Variants in SGCZ observed in about 807,000 individuals in gnomAD.
The protein encoded by SGCZ is zeta-sarcoglycan.
A neutral mutation model predicts 41.3 loss-of-function variants in SGCZ; 40 were observed. The observed-to-expected ratio is 0.97, with a 90% CI of 0.75 to 1.26. The LOEUF is 1.26. SGCZ is among the 50% of genes most tolerant of loss of function. SGCZ has a pLI of 0.00. For synonymous variants in SGCZ, 206 were observed against 137.5 expected (o/e 1.50, Z -3.49); for missense variants, 552 against 369.8 (o/e 1.49, Z -4.04).
intron 5 of SGCZ, among the ~76,000 whole-genome samples, chr8:14,156,215 A>G (rs1430666168): frequency 2.0e-5 from 3 of 152,142 alleles, no homozygotes; most frequent in South Asian, 2.1e-4. Context: ...GATGCCTGTA[A>G]TCCTGGCACT....
At chr8:14,251,737 A>G (rs1000804349) in intron 3 of SGCZ, among the ~76,000 whole-genome samples, 1 of 152,200 alleles carries the variant, frequency 6.6e-6, no homozygotes, top group African/African-American at 2.4e-5. Context: ...TAAAAAGGAA[A>G]AAAATTCCAT....
chr8:14,138,770 TAGAC>T (rs1232342635), intron 5 of SGCZ, among the ~76,000 whole-genome samples: 4 of 152,126 alleles, frequency 2.6e-5, no homozygotes, highest in African/African-American at 9.7e-5. Context: ...CTGTAAACAT[TAGAC>T]AGATCAATGA....
intron 1 of SGCZ, among the ~76,000 whole-genome samples, chr8:14,955,872 C>T (rs1020879377): frequency 6.6e-6 from 1 of 151,988 alleles, no homozygotes; most frequent in Non-Finnish European, 1.5e-5. Context: ...CTTATGGTGT[C>T]TTTTGAATAA....
intron 5 of SGCZ, among the ~76,000 whole-genome samples, chr8:14,149,135 A>T (rs1376006753): frequency 6.6e-6 from 1 of 152,106 alleles, no homozygotes; most frequent in East Asian, 1.9e-4. Flanking sequence ...CACAACAATG[A>T]TGCCAATTTT....
chr8:14,288,352 C>T (rs1290524745), intron 3 of SGCZ, among the ~76,000 whole-genome samples: 1 of 152,002 alleles, frequency 6.6e-6, no homozygotes, highest in Non-Finnish European at 1.5e-5. Flanking sequence ...CAACGATGTT[C>T]TGCAACCATT....
intron 1 of SGCZ, among the ~76,000 whole-genome samples, chr8:14,843,940 T>A (rs576627729): frequency 6.6e-6 from 1 of 151,738 alleles, no homozygotes; most frequent in African/African-American, 2.4e-5. Flanking sequence ...AAGAAAAAAA[T>A]TTAGGAAGGA....
intron 1 of SGCZ, among the ~76,000 whole-genome samples, chr8:15,078,941 T>C (rs912041942): frequency 6.6e-6 from 1 of 152,134 alleles, no homozygotes; most frequent in Non-Finnish European, 1.5e-5. Context: ...TTATGGATTA[T>C]ACCATTTTCT....
intron 4 of SGCZ, among the ~76,000 whole-genome samples, chr8:14,209,811 C>T (rs1021920374): frequency 6.6e-6 from 1 of 151,442 alleles, no homozygotes; most frequent in South Asian, 2.1e-4. Context: ...TTTCTGAATT[C>T]CATATTTTCA....
intron 1 of SGCZ, among the ~76,000 whole-genome samples, chr8:15,097,120 G>T (rs978375309): frequency 1.3e-5 from 2 of 152,088 alleles, no homozygotes; most frequent in Admixed American, 6.6e-5. Flanking sequence ...TCCATAAACT[G>T]TAAACATCTT....
chr8:14,502,792 A>G (rs1422638518), intron 2 of SGCZ, among the ~76,000 whole-genome samples: 1 of 152,224 alleles, frequency 6.6e-6, no homozygotes, highest in African/African-American at 2.4e-5. Context: ...TTAAAAAGTC[A>G]AGAAAGAACA....
intron 1 of SGCZ, among the ~76,000 whole-genome samples, chr8:14,640,611 T>C (rs976894556): frequency 6.6e-6 from 1 of 150,940 alleles, no homozygotes; most frequent in Non-Finnish European, 1.5e-5. Flanking sequence ...ACCACACATA[T>C]ATATATACAC....
chr8:14,563,255 C>T (rs1474356772), intron 1 of SGCZ, among the ~76,000 whole-genome samples: 1 of 152,136 alleles, frequency 6.6e-6, no homozygotes, highest in Non-Finnish European at 1.5e-5. Context: ...TTTTCTACTC[C>T]AAGAGTCTTT....
chr8:14,591,221 G>T (rs1021218541), intron 1 of SGCZ, among the ~76,000 whole-genome samples: 1 of 151,652 alleles, frequency 6.6e-6, no homozygotes, highest in African/African-American at 2.4e-5. Context: ...CTATAAATTT[G>T]ATCCTTCTTT....
chr8:14,996,040 A>C (rs920918603), intron 1 of SGCZ, among the ~76,000 whole-genome samples: 4 of 151,972 alleles, frequency 2.6e-5, no homozygotes, highest in African/African-American at 4.8e-5. Context: ...AGTAGCTGAG[A>C]CTACAGGCGC....
intron 1 of SGCZ, among the ~76,000 whole-genome samples, chr8:14,774,945 T>G (rs914872376): frequency 6.6e-6 from 1 of 152,160 alleles, no homozygotes; most frequent in Non-Finnish European, 1.5e-5. Context: ...TCTGACAATC[T>G]AAGAAAATTG....
intron 3 of SGCZ, among the ~76,000 whole-genome samples, chr8:14,278,502 T>G (rs904378704): frequency 1.4e-4 from 22 of 151,898 alleles, no homozygotes; most frequent in African/African-American, 5.3e-4. Context: ...AGATGATGAG[T>G]TTTTAGGATT....
intron 1 of SGCZ, among the ~76,000 whole-genome samples, chr8:14,748,322 A>G (rs893422798): frequency 1.3e-5 from 2 of 152,172 alleles, no homozygotes; most frequent in Non-Finnish European, 2.9e-5. Flanking sequence ...GCTTTTAACT[A>G]TTATACTATC....
At chr8:14,629,388 A>G (rs1000373739) in intron 1 of SGCZ, among the ~76,000 whole-genome samples, 2 of 152,178 alleles carry the variant, frequency 1.3e-5, no homozygotes, top group African/African-American at 4.8e-5. Context: ...AAAATAAAGA[A>G]TAATGAATAC....
At chr8:14,655,347 A>G (rs1197073886) in intron 1 of SGCZ, among the ~76,000 whole-genome samples, 3 of 152,180 alleles carry the variant, frequency 2.0e-5, no homozygotes, top group Non-Finnish European at 4.4e-5. Context: ...TTTAATTGAA[A>G]TAAAAATGCA....
Sources: gnomAD v4.1 joint callset for allele counts (sites outside exome capture counted in the v4.1 genomes callset) on GRCh38, gnomAD v4.1.1 for gene constraint, MANE v1.5 for transcripts, NCBI Gene and HGNC (gene_info 2026-07-23, HGNC 2026-07-21) for gene names.